The following MARK1 variants were observed in gnomAD, a reference collection of about 807,000 sequenced individuals.
The protein encoded by MARK1 is microtubule affinity regulating kinase 1.
In MARK1, 40 loss-of-function variants were observed where a neutral mutation model predicts 96.3. The observed-to-expected ratio is 0.42, with a 90% CI of 0.32 to 0.54. The LOEUF is 0.54. Among genes scored for constraint, MARK1 ranks in the 20% least tolerant of loss-of-function variants. The probability of loss-of-function intolerance (pLI) is 0.16; values close to 1 mark genes in which losing one functional copy is unlikely to be tolerated. For missense variants in MARK1, 719 were observed against 984.6 expected (o/e 0.73, Z 3.61); for synonymous variants, 317 against 341.2 (o/e 0.93, Z 0.78).
Position 220,615,956 on chromosome 1 carries a change from G to A in MARK1, c.513G>A (p.Gln171=). ...TATTCCAGATTGTATCTGCTGTACA[G>A]TATTGTCATCAAAAGTACATTGTTC... is the stretch of plus-strand genomic sequence containing the variant. ...AKFRQIVSAV[Q]YCHQKYIVHR... Residue 171 remains glutamine, a synonymous_variant, in exon 7 of 18, where the codon CAG becomes CAA. Coordinates refer to ENST00000366917, the MANE Select transcript of MARK1 (RefSeq NM_018650.5). 1 of 1,558,928 alleles carries A rather than the reference G, an allele frequency of 6.4e-7. No homozygotes were observed. The highest frequency in any genetic ancestry group is 8.8e-7 in the Non-Finnish European group (1 of 1,139,220).
intron 6 of MARK1, among the ~76,000 whole-genome samples, chr1:220,615,498 G>A (rs1666691355): frequency 6.6e-6 from 1 of 152,120 alleles, no homozygotes; most frequent in African/African-American, 2.4e-5. Flanking sequence ...AAAGAAACAT[G>A]CCTTGAACAC....
chr1:220,570,006 T>TA, intron 1 of MARK1, among the ~76,000 whole-genome samples: 1 of 152,194 alleles, frequency 6.6e-6, no homozygotes, highest in South Asian at 2.1e-4. Context: ...GTGTAGCACC[T>TA]ACACACCTAT....
chr1:220,584,891 GC>G (rs1298391719), intron 3 of MARK1, among the ~76,000 whole-genome samples: 5 of 152,158 alleles, frequency 3.3e-5, no homozygotes, highest in Non-Finnish European at 7.4e-5. Context: ...ATGCTATATA[GC>G]ATATTTCACT....
intron 13 of MARK1, among the ~76,000 whole-genome samples, chr1:220,640,800 C>T (rs1668226937): frequency 6.6e-6 from 1 of 152,116 alleles, no homozygotes; most frequent in East Asian, 1.9e-4. Flanking sequence ...CAAAGCCACT[C>T]TCAGATAACT....
intron 9 of MARK1, among the ~76,000 whole-genome samples, chr1:220,620,298 A>T (rs1268230650): frequency 6.6e-6 from 1 of 152,174 alleles, no homozygotes; most frequent in African/African-American, 2.4e-5. Context: ...AAAGCTTTCC[A>T]TCATTATTCA....
In MARK1 at chr1:220,661,922, A is replaced by C. The variant is rs1359134676; in HGVS notation, c.2144A>C (p.Asn715Thr). 6.2e-7 allele frequency: 1 copy of C among 1,614,212 alleles called. No homozygotes were observed. Among genetic ancestry groups the C allele is most frequent in the East Asian group, 2.2e-5 (1 of 44,884 alleles). The part of the protein sequence containing the change: ...SMKTTSSMDP[N>T]DMMREIRKVL... The stretch of plus-strand genomic sequence containing the variant: ...AAGACCACTAGTTCAATGGACCCTA[A>C]TGACATGATGAGAGAAATCCGAAAA... The change falls in exon 18 of 18, where the codon AAT becomes ACT. Residue 715 changes from asparagine to threonine, a missense_variant. Around this residue, in one of 4 missense-constraint regions of MARK1, gnomAD observed 501 missense variants for 588.3 expected, o/e 0.85. Transcript: ENST00000366917.
intron 1 of MARK1, among the ~76,000 whole-genome samples, chr1:220,539,526 A>G (rs987873448): frequency 2.0e-5 from 3 of 151,870 alleles, no homozygotes; most frequent in African/African-American, 7.3e-5. Flanking sequence ...GGTCTTTTTT[A>G]TGTTGATGTA....
intron 1 of MARK1, among the ~76,000 whole-genome samples, chr1:220,576,363 G>C (rs1450456430): frequency 6.6e-6 from 1 of 150,866 alleles, no homozygotes; most frequent in Non-Finnish European, 1.5e-5. Context: ...ACACAACAAG[G>C]CCTCTTGAAG....
At chr1:220,614,298 C>A (rs1196966133) in intron 6 of MARK1, among the ~76,000 whole-genome samples, 1 of 152,108 alleles carries the variant, frequency 6.6e-6, no homozygotes, top group African/African-American at 2.4e-5. Context: ...AGGCATGAGT[C>A]CTACCTGCTT....
At chr1:220,553,049 T>C (rs1268698552) in intron 1 of MARK1, among the ~76,000 whole-genome samples, 2 of 152,200 alleles carry the variant, frequency 1.3e-5, no homozygotes, top group African/African-American at 2.4e-5. Context: ...AGAGAGTAAC[T>C]GATGTATACA....
intron 5 of MARK1, among the ~76,000 whole-genome samples, chr1:220,601,706 C>T (rs1665759350): frequency 6.6e-6 from 1 of 152,166 alleles, no homozygotes; most frequent in Non-Finnish European, 1.5e-5. Flanking sequence ...CACTGCAAGG[C>T]TTTGTTAATA....
At chr1:220,575,378 A>G (rs1422888045) in intron 1 of MARK1, among the ~76,000 whole-genome samples, 1 of 152,222 alleles carries the variant, frequency 6.6e-6, no homozygotes, top group Non-Finnish European at 1.5e-5. Flanking sequence ...CTTCTATTTA[A>G]CAGCCTTAGG....
At chr1:220,568,305 CTT>C (rs1445999864) in intron 1 of MARK1, among the ~76,000 whole-genome samples, 3 of 152,074 alleles carry the variant, frequency 2.0e-5, no homozygotes, top group Non-Finnish European at 4.4e-5. Flanking sequence ...TAAGCAAAGA[CTT>C]GAGGGACCTG....
chr1:220,548,687 C>T (rs889385013), intron 1 of MARK1, among the ~76,000 whole-genome samples: 4 of 151,936 alleles, frequency 2.6e-5, no homozygotes, highest in Non-Finnish European at 5.9e-5. Flanking sequence ...TGTGGTGAGC[C>T]GGAGGCTGCG....
chr1:220,638,107 T>C (rs1668070462), intron 13 of MARK1, among the ~76,000 whole-genome samples: 3 of 149,100 alleles, frequency 2.0e-5, no homozygotes, highest in African/African-American at 7.8e-5. Context: ...TGAACTATAA[T>C]GGGGCTTAAA....
At chr1:220,543,033 A>C (rs1323188753) in intron 1 of MARK1, among the ~76,000 whole-genome samples, 1 of 152,250 alleles carries the variant, frequency 6.6e-6, no homozygotes, top group Non-Finnish European at 1.5e-5. Flanking sequence ...TTGAAAATTT[A>C]CTAGATTTTT....
chr1:220,565,797 G>A (rs1663007208), intron 1 of MARK1, among the ~76,000 whole-genome samples: 1 of 152,132 alleles, frequency 6.6e-6, no homozygotes, highest in Non-Finnish European at 1.5e-5. Context: ...TGGTAAGGCT[G>A]GACAGTCACA....
intron 1 of MARK1, among the ~76,000 whole-genome samples, chr1:220,576,445 A>T (rs1218868589): frequency 1.3e-5 from 2 of 151,338 alleles, no homozygotes; most frequent in Admixed American, 6.6e-5. Flanking sequence ...AAATCACTTG[A>T]CTAAACCCAA....
rs1034141500 is a variant in MARK1 at position 220,540,209 on chromosome 1, G to A, written c.51+11336G>A. On this transcript the variant is annotated intron_variant, in intron 1 of 17. Transcript: ENST00000366917. ...CATGTGATTATGGAGGCCATGAAGT[G>A]TCACAGTATTTCATCTGAAAGTGGG... 3.3e-5 allele frequency among the ~76,000 whole-genome samples: 5 copies of A among 152,170 alleles called. No homozygotes were observed. In the South Asian group the frequency reaches 6.2e-4, roughly 19 times the overall value.
Sources: gnomAD v4.1 joint callset for allele counts (sites outside exome capture counted in the v4.1 genomes callset) on GRCh38, gnomAD v4.1.1 for gene constraint, gnomAD v4.1.1 regional missense constraint, MANE v1.5 for transcripts, NCBI Gene and HGNC (gene_info 2026-07-23, HGNC 2026-07-21) for gene names.